Variants in KMT2D observed in about 807,000 individuals in gnomAD.
KMT2D encodes the protein lysine methyltransferase 2D.
A neutral mutation model predicts 512.7 loss-of-function variants in KMT2D; 55 were observed. The ratio of observed to expected loss-of-function variants is 0.11; its 90% CI spans 0.09 to 0.13. The LOEUF (loss-of-function observed/expected upper bound fraction) is 0.13. KMT2D is among the 10% of genes least tolerant of loss of function. KMT2D has a pLI of 1.00. For missense variants in KMT2D, 6,061 were observed against 7,127.9 expected (o/e 0.85, Z 5.39); for synonymous variants, 2,995 against 2,904.0 (o/e 1.03, Z -1.01).
rs587778481 is a variant in KMT2D at position 49,030,623 on chromosome 12, T to C, written c.13817A>G (p.Tyr4606Cys). 18 of 1,585,928 alleles carry C rather than the reference T, an allele frequency of 1.1e-5. No individual in the cohort carries two copies. The highest frequency in any genetic ancestry group is 2.7e-5 in the African/African-American group (2 of 73,716). The change falls in exon 42 of 55, where the codon TAC (tyrosine) becomes TGC (cysteine). Residue 4606 changes from tyrosine to cysteine, a missense_variant. Tyr to Cys is a radical substitution (Grantham distance 194, BLOSUM62 -2). Coordinates refer to ENST00000301067, the MANE Select transcript of KMT2D (RefSeq NM_003482.4). Reference protein sequence around the residue: ...GSGALPTGPDYYSQLLTKNNL... With the variant: ...GSGALPTGPDCYSQLLTKNNL... ...GACCTTGGTAAGCAGCTGGGAATAG[T>C]AGTCAGGGCCAGTGGGCAGCGCCCC...
chr12:49,047,588 T>G (rs1003560855), intron 15 of KMT2D, among the ~76,000 whole-genome samples: 1 of 80,698 alleles, frequency 1.2e-5, no homozygotes, highest in Admixed American at 1.2e-4. Flanking sequence ...CAGCTAATTT[T>G]TGTTATTTTT....
chr12:49,026,126 C>T lies in KMT2D; in HGVS notation c.15784+56G>A, dbSNP rs1942570475. The stretch of plus-strand genomic sequence containing the variant: ...CCTCTTATAGACATTGTAACAGTGA[C>T]CCTGGGAGAAACTTTTCCCATTCCA... On this transcript the variant is annotated intron_variant, in intron 49 of 54. Transcript: ENST00000301067. This position sits in a 1 kb window ranked among gnomAD's most constrained non-coding sequence, Gnocchi z 9.6. 1.4e-6 allele frequency: 2 copies of T among 1,475,158 alleles called. No homozygotes were observed. Among genetic ancestry groups the T allele is most frequent in the Non-Finnish European group, 1.8e-6 (2 of 1,094,180 alleles). The allele number at this position is 1,475,158 out of a possible 1,614,324, so 91.4% of individuals were successfully genotyped here. A position where few individuals can be genotyped will look rare whatever the true frequency, so the allele number is the denominator to read the frequency against.
intron 1 of KMT2D, among the ~76,000 whole-genome samples, chr12:49,055,680 C>T (rs1592163900): frequency 1.3e-5 from 2 of 152,190 alleles, no homozygotes; most frequent in African/African-American, 4.8e-5. Flanking sequence ...TAATACTGCT[C>T]TTTGGCTTGC....
chr12:49,049,082 A>T (rs2120629613), intron 13 of KMT2D, 23 bp downstream of exon 13: 1 of 1,431,726 alleles, frequency 7.0e-7, no homozygotes, highest in Non-Finnish European at 9.8e-7. Flanking sequence ...GGGGGATGGG[A>T]GGAATAGGAG....
At position 49,043,141 on chromosome 12, in the gene KMT2D, G is replaced by C. The variant is rs2120564132; in HGVS notation, c.5579C>G (p.Pro1860Arg). 1 of 1,613,976 alleles carries C rather than the reference G, an allele frequency of 6.2e-7. No homozygotes were observed. Among genetic ancestry groups the C allele is most frequent in the Non-Finnish European group, 8.5e-7 (1 of 1,179,852 alleles). The change falls in exon 26 of 55, where the codon CCT becomes CGT. Residue 1860 changes from proline to arginine, a missense_variant. Pro to Arg is a moderately radical substitution (Grantham distance 103, BLOSUM62 -2). Around this residue, in one of 16 missense-constraint regions of KMT2D, gnomAD observed 640 missense variants for 814.3 expected, o/e 0.79. Coordinates refer to ENST00000301067, the MANE Select transcript of KMT2D (RefSeq NM_003482.4). ...TTCACCTGGGGTGCCTGGCTTCTCA[G>C]GGTCACTGGGCACTGGGGATGCCTT... The part of the protein sequence containing the change: ...GVKASPVPSD[P>R]EKPGTPGEGM...
In KMT2D at chr12:49,022,397, G is replaced by T; in HGVS notation, c.16339-44C>A. The T allele has an allele frequency of 6.4e-7, 1 of 1,572,830 alleles. No homozygotes were observed. On this transcript the variant is annotated intron_variant, in intron 52 of 54. Transcript: ENST00000301067. The surrounding 1 kb of genome is among the most constrained non-coding windows in gnomAD (Gnocchi z 8.6). ...CAGAAGAAGGGACAAGAGTATCAGA[G>T]AGTGGCAGTGGTGGCTGTGGGATCA...
At position 49,041,711 on chromosome 12, in the gene KMT2D, G is replaced by C; in HGVS notation, c.6184-6C>G. On this transcript the variant is annotated splice_polypyrimidine_tract_variant and splice_region_variant and intron_variant, in intron 30 of 54. Coordinates refer to ENST00000301067, the MANE Select transcript of KMT2D (RefSeq NM_003482.4). The surrounding 1 kb of genome is among the most constrained non-coding windows in gnomAD (Gnocchi z 5.4). Reference sequence around the variant, plus strand: ...CGGTTATCTTTGGCCTTTTGCTGAGGGATATGGGACACAGCCTTAGGGCCT... The same window carrying C: ...CGGTTATCTTTGGCCTTTTGCTGAGCGATATGGGACACAGCCTTAGGGCCT... 1 of 1,609,428 alleles carries C rather than the reference G, an allele frequency of 6.2e-7. No homozygotes were observed. The highest frequency in any genetic ancestry group is 8.5e-7 in the Non-Finnish European group (1 of 1,177,678).
rs756017412 is a variant in KMT2D, at chr12:49,027,130, C to T, written c.14836G>A (p.Val4946Ile). The T allele has an allele frequency of 3.0e-5, 46 of 1,531,696 alleles. No homozygotes were observed. Among genetic ancestry groups the T allele is most frequent in the Admixed American group, 2.0e-4 (11 of 55,464 alleles). 94.9% of individuals were successfully genotyped at this position (1,531,696 alleles called of 1,614,324 possible). ...GAGGCCAGTGGCAGAGGTGAGGGGA[C>T]GGGTGGCTCAGCCAAGGGTTCGGTG... Reference protein sequence around the residue: ...LPTEPLAEPPVPSPLPLASSP... With the variant: ...LPTEPLAEPPIPSPLPLASSP... The change falls in exon 49 of 55, where the codon GTC becomes ATC. Residue 4946 changes from valine (V) to isoleucine (I), a missense_variant. Val to Ile is a conservative substitution (Grantham distance 29, BLOSUM62 3). Around this residue, in one of 16 missense-constraint regions of KMT2D, gnomAD observed 1,600 missense variants for 1,754.9 expected, o/e 0.91. Coordinates refer to ENST00000301067, the MANE Select transcript of KMT2D (RefSeq NM_003482.4).
Position 49,022,707 on chromosome 12 carries a change from C to T in KMT2D, c.16221G>A (p.Gln5407=), listed in dbSNP as rs2137706932. ...CCTTGGCTGCATAGAGCCCCAGGCC[C>T]TGGATACGGGAGCGAGCCAGGTACA... is the stretch of plus-strand genomic sequence containing the variant. The part of the protein sequence containing the change: ...NNVYLARSRI[Q]GLGLYAAKDL... Residue 5407 remains glutamine (Q), a synonymous_variant, in exon 52 of 55, where the codon CAG becomes CAA. Transcript: ENST00000301067. This position sits in a 1 kb window ranked among gnomAD's most constrained non-coding sequence, Gnocchi z 8.6. The T allele has an allele frequency of 6.2e-7, 1 of 1,614,018 alleles. No homozygotes were observed. The highest frequency in any genetic ancestry group is 8.5e-7 in the Non-Finnish European group (1 of 1,179,900).
rs1056346398 is a variant in KMT2D, at chr12:49,050,339, G to A, written c.3249C>T (p.Cys1083=). 1.2e-6 allele frequency: 2 copies of A among 1,611,214 alleles called. No individual in the cohort carries two copies. The highest frequency in any genetic ancestry group is 1.1e-5 in the South Asian group (1 of 90,606). ...METEKVSEPE[C]PALEPSATSP... The stretch of plus-strand genomic sequence containing the variant: ...TGGTGGCACTGGGTTCCAAGGCTGG[G>A]CATTCAGGTTCTGAAACTTTCTCAG... The change falls in exon 12 of 55, where the codon TGC becomes TGT. Residue 1083 remains cysteine, a synonymous_variant. Coordinates refer to ENST00000301067, the MANE Select transcript of KMT2D (RefSeq NM_003482.4).
At chr12:49,025,007 C>A (rs1942504600) in intron 49 of KMT2D, 61 bp from the exon 50 acceptor site, 1 of 1,543,940 alleles carries the variant, frequency 6.5e-7, no homozygotes, top group Non-Finnish European at 8.8e-7. Flanking sequence ...CCTCCAGTCC[C>A]TAACCCCAAT....
chr12:49,039,657 T>G lies in KMT2D; in HGVS notation c.8047-40A>C. ...GAGAAGAGGAATAAGCCCATTCTACTCCAATCATAGGGCTGCCCCAGAGAC... is the reference window on the plus strand; with the variant it reads ...GAGAAGAGGAATAAGCCCATTCTACGCCAATCATAGGGCTGCCCCAGAGAC... On this transcript the variant is annotated intron_variant, in intron 32 of 54. Coordinates refer to ENST00000301067, the MANE Select transcript of KMT2D (RefSeq NM_003482.4). This position sits in a 1 kb window ranked among gnomAD's most constrained non-coding sequence, Gnocchi z 5.0. 1 of 1,603,296 alleles carries G rather than the reference T, an allele frequency of 6.2e-7. No individual in the cohort carries two copies. The highest frequency in any genetic ancestry group is 8.5e-7 in the Non-Finnish European group (1 of 1,176,244).
In KMT2D at chr12:49,037,458, C is replaced by T. The variant is rs2120479403; in HGVS notation, c.9898G>A (p.Glu3300Lys). 3 of 1,573,032 alleles carry T rather than the reference C, an allele frequency of 1.9e-6. No homozygotes were observed. The highest frequency in any genetic ancestry group is 2.6e-6 in the Non-Finnish European group (3 of 1,159,186). Residue 3300 changes from glutamate (E) to lysine (K), a missense_variant, in exon 35 of 55, where the codon GAG becomes AAG. Glu to Lys is a moderately conservative substitution (Grantham distance 56, BLOSUM62 1). This residue lies in a region of KMT2D where 533 missense variants were observed against 539.6 expected (regional missense o/e 0.99). Transcript: ENST00000301067. ...CCAGCCAAACTGGGAGAAGAGCCCT[C>T]ATGTGGCAAAGACATGGCCTGGGCA... ...GPAQAMSLPH[E>K]GSSPSLAGSQ...
rs766907352 is a variant in KMT2D at position 49,040,561 on chromosome 12, C to T, written c.7209G>A (p.Leu2403=). The T allele has an allele frequency of 2.5e-6, 4 of 1,611,156 alleles. No individual in the cohort carries two copies. The highest frequency in any genetic ancestry group is 3.4e-6 in the Non-Finnish European group (4 of 1,178,392). Reference sequence around the variant, plus strand: ...GCACTCGGGAGAAAGGGTCGGAGGGCAGTGAGCGAGGGGGCAGAGCACAGC... The same window carrying T: ...GCACTCGGGAGAAAGGGTCGGAGGGTAGTGAGCGAGGGGGCAGAGCACAGC... ...ESCCALPPRS[L]PSDPFSRVPA... The change falls in exon 32 of 55, where the codon CTG becomes CTA. Residue 2403 remains leucine, a synonymous_variant. Coordinates refer to ENST00000301067, the MANE Select transcript of KMT2D (RefSeq NM_003482.4).
At position 49,038,778 on chromosome 12, in the gene KMT2D, G is replaced by A. The variant is rs201681639; in HGVS notation, c.8578C>T (p.Arg2860Cys). Residue 2860 changes from arginine (R) to cysteine (C), a missense_variant, in exon 35 of 55, where the codon CGT (arginine) becomes TGT (cysteine). Arg to Cys is a radical substitution (Grantham distance 180). Around this residue, in one of 16 missense-constraint regions of KMT2D, gnomAD observed 527 missense variants for 578.9 expected, o/e 0.91. Transcript: ENST00000301067. This position sits in a 1 kb window ranked among gnomAD's most constrained non-coding sequence, Gnocchi z 5.7. ...ACTGGCTCACCAGGGCCTGGCAGAC[G>A]GGTGGAAATTCCCGCCAACGGGGAA... is the stretch of plus-strand genomic sequence containing the variant. ...LGSPLAGIST[R>C]LPGPGEPVPG... is the part of the protein sequence containing the mutation. 318 of 1,598,412 alleles carry A rather than the reference G, an allele frequency of 2.0e-4. 1 individual carries two copies. The highest frequency in any genetic ancestry group is 2.3e-4 in the Non-Finnish European group (274 of 1,172,624).
chr12:49,055,095 G>A (rs918597814), intron 2 of KMT2D, 69 bp from the exon 3 acceptor site: 8 of 1,596,714 alleles, frequency 5.0e-6, no homozygotes, highest in East Asian at 2.2e-5. Flanking sequence ...CTCACCAGAC[G>A]CATGAGATTA....
rs1190566349 is a variant in KMT2D at position 49,040,275 on chromosome 12, G to T, written c.7495C>A (p.Pro2499Thr). Residue 2499 changes from proline to threonine, a missense_variant, in exon 32 of 55, where the codon CCC becomes ACC. Physicochemically the swap from Pro to Thr is conservative, Grantham distance 38 (BLOSUM62 -1). Coordinates refer to ENST00000301067, the MANE Select transcript of KMT2D (RefSeq NM_003482.4). ...TGGAGCTCACCTGCTGGCCCCGCGG[G>T]CAGGGCTGCTGGGAACCCCCCAGCC... Reference protein sequence around the residue: ...LGAGGFPAALPAGPAGELHAK... With the variant: ...LGAGGFPAALTAGPAGELHAK... 3 of 1,609,186 alleles carry T rather than the reference G, an allele frequency of 1.9e-6. No individual in the cohort carries two copies. The highest frequency in any genetic ancestry group is 2.2e-5 in the East Asian group (1 of 44,814).
rs994658006 is a variant in KMT2D, at chr12:49,024,651, T to G, written c.15979A>C (p.Met5327Leu). ...YLFRYGRHPL[M>L]ELPLMINPTG... Reference sequence around the variant, plus strand: ...GGGTTGATCATGAGTGGCAGCTCCATAAGGGGGTGGCGCCCATAGCGGAAT... The same window carrying G: ...GGGTTGATCATGAGTGGCAGCTCCAGAAGGGGGTGGCGCCCATAGCGGAAT... Residue 5327 changes from methionine (M) to leucine (L), a missense_variant, in exon 51 of 55, where the codon ATG becomes CTG. Coordinates refer to ENST00000301067, the MANE Select transcript of KMT2D (RefSeq NM_003482.4). This position sits in a 1 kb window ranked among gnomAD's most constrained non-coding sequence, Gnocchi z 4.5. 6 of 1,613,810 alleles carry G rather than the reference T, an allele frequency of 3.7e-6. No individual in the cohort carries two copies. Among genetic ancestry groups the G allele is most frequent in the Middle Eastern group, 1.6e-4 (1 of 6,082 alleles).
rs2120482510 is a variant in KMT2D at position 49,037,598 on chromosome 12, A to C, written c.9758T>G (p.Leu3253Trp). 6.4e-7 allele frequency: 1 copy of C among 1,557,120 alleles called. No homozygotes were observed. The highest frequency in any genetic ancestry group is 8.7e-7 in the Non-Finnish European group (1 of 1,150,214). ...CTGCAGCTCCTTCTTCTCATGCTCC[A>C]ACAGGTCCTCAATGAGCAGGGGTAA... ...SELPLLIEDL[L>W]EHEKKELQKK... The change falls in exon 35 of 55, where the codon TTG becomes TGG. Residue 3253 changes from leucine to tryptophan, a missense_variant. Around this residue, in one of 16 missense-constraint regions of KMT2D, gnomAD observed 533 missense variants for 539.6 expected, o/e 0.99. Transcript: ENST00000301067.
Sources: allele counts gnomAD v4.1 joint callset (sites outside exome capture counted in the v4.1 genomes callset), GRCh38; gene constraint gnomAD v4.1.1; regional missense constraint gnomAD v4.1.1; non-coding constraint Gnocchi (gnomAD v3.1); transcripts MANE v1.5; gene names NCBI Gene and HGNC (gene_info 2026-07-23, HGNC 2026-07-21).